POC1B: variants seen among roughly 807,000 people sequenced by gnomAD.
POC1B encodes POC1 centriolar protein B, also known as POC1 centriolar protein homolog B.
Under a neutral mutation model 60.6 loss-of-function variants are expected in POC1B, and 44 were observed. The ratio of observed to expected loss-of-function variants is 0.73; its 90% CI spans 0.57 to 0.93. The LOEUF (loss-of-function observed/expected upper bound fraction) is 0.93, where lower values mean the gene tolerates loss of function less well. Among genes scored for constraint, POC1B ranks in the 40% least tolerant of loss-of-function variants. POC1B has a pLI of 0.00. For missense variants in POC1B, 555 were observed against 572.3 expected (o/e 0.97, Z 0.31); for synonymous variants, 180 against 198.9 (o/e 0.90, Z 0.80).
Position 89,425,214 on chromosome 12 carries a change from C to G in POC1B, c.1279G>C (p.Ala427Pro). Residue 427 changes from alanine to proline, a missense_variant, in exon 11 of 12, where the codon GCT becomes CCT. Coordinates refer to ENST00000313546, the MANE Select transcript of POC1B (RefSeq NM_172240.3). ...ATATGCTCTAAAGCATCAGTCACAG[C>G]GAGAGGTATGCTCCTTTGACTTTCA... ...PCESQRSIPL[A>P]VTDALEHIME... 6.2e-7 allele frequency: 1 copy of G among 1,614,136 alleles called. No individual in the cohort carries two copies.
In POC1B at chr12:89,497,323, G is replaced by A. The variant is rs145182515; in HGVS notation, c.120C>T (p.Thr40=). 2 of 1,612,126 alleles carry A rather than the reference G, an allele frequency of 1.2e-6. No homozygotes were observed. Among genetic ancestry groups the A allele is most frequent in the South Asian group, 2.2e-5 (2 of 90,964 alleles). Residue 40 remains threonine (T), a synonymous_variant, in exon 3 of 12, where the codon ACC becomes ACT. Coordinates refer to ENST00000313546, the MANE Select transcript of POC1B (RefSeq NM_172240.3). Reference sequence around the variant, plus strand: ...GCTTGAAATTCCATAGCATGAGAAAGGTATCCCAAGAAGCAGTAGCTATCA... The same window carrying A: ...GCTTGAAATTCCATAGCATGAGAAAAGTATCCCAAGAAGCAGTAGCTATCA... The part of the protein sequence containing the change: ...GKQLATASWD[T]FLMLWNFKPH...
At chr12:89,428,066 T>C (rs943347987) in intron 10 of POC1B, 1 of 152,184 alleles carries the variant, frequency 6.6e-6, no homozygotes, top group Non-Finnish European at 1.5e-5. Flanking sequence ...CTCTAAGAAA[T>C]CTTGACTCAT....
intron 10 of POC1B, among the ~76,000 whole-genome samples, chr12:89,452,395 T>C (rs141139495): frequency 1.3e-5 from 2 of 152,324 alleles, no homozygotes; most frequent in East Asian, 3.9e-4. Flanking sequence ...ATAAATCCTT[T>C]TGTAAATTTT....
intron 10 of POC1B, among the ~76,000 whole-genome samples, chr12:89,451,482 G>A (rs1408226406): frequency 6.9e-6 from 1 of 145,242 alleles, no homozygotes; most frequent in Non-Finnish European, 1.5e-5. Flanking sequence ...TGATGAGTTG[G>A]TTGGTTGGTT....
At chr12:89,448,564 G>C (rs925547048) in intron 10 of POC1B, among the ~76,000 whole-genome samples, 5 of 152,186 alleles carry the variant, frequency 3.3e-5, no homozygotes, top group Non-Finnish European at 7.4e-5. Context: ...AACCTGGGGA[G>C]AGCAATCAGT....
chr12:89,477,266 G>A (rs1415036974), intron 4 of POC1B, among the ~76,000 whole-genome samples: 1 of 152,188 alleles, frequency 6.6e-6, no homozygotes, highest in Non-Finnish European at 1.5e-5. Context: ...CATTAGAAGA[G>A]AAACCATCTG....
intron 2 of POC1B, among the ~76,000 whole-genome samples, chr12:89,504,471 A>AGGC (rs960601657): frequency 4.6e-5 from 7 of 152,202 alleles, no homozygotes; most frequent in Non-Finnish European, 1.0e-4. Flanking sequence ...ACACTGCGGA[A>AGGC]GGCCGCAGGG....
chr12:89,501,209 T>C, intron 2 of POC1B: 3 of 1,407,134 alleles, frequency 2.1e-6, no homozygotes, highest in Non-Finnish European at 2.0e-6. Context: ...AAACCTCACC[T>C]AGTAGAGACA....
At chr12:89,505,323 G>A (rs562496152) in intron 2 of POC1B, among the ~76,000 whole-genome samples, 1 of 152,136 alleles carries the variant, frequency 6.6e-6, no homozygotes, top group Non-Finnish European at 1.5e-5. Context: ...TCCACTTCTA[G>A]GAATATACCC....
chr12:89,408,722 C>T, the POC1B span, among the ~76,000 whole-genome samples: 4 of 152,220 alleles, frequency 2.6e-5, no homozygotes, highest in African/African-American at 4.8e-5. Flanking sequence ...CTCCTGACCT[C>T]GTAATCTGCC....
At chr12:89,514,357 C>G (rs1050933140) in intron 2 of POC1B, among the ~76,000 whole-genome samples, 1 of 142,106 alleles carries the variant, frequency 7.0e-6, no homozygotes, top group Non-Finnish European at 1.5e-5. Context: ...AACTGTGAGC[C>G]AATCAAAACT....
Position 89,492,122 on chromosome 12 carries a change from A to G in POC1B, c.273-7T>C. Reference sequence around the variant, plus strand: ...TTCTGAGAATTTTCCTCTCCTGGAAATAAACAGTTTAATATTTATAACTCA... The same window carrying G: ...TTCTGAGAATTTTCCTCTCCTGGAAGTAAACAGTTTAATATTTATAACTCA... On this transcript the variant is annotated splice_region_variant and splice_polypyrimidine_tract_variant and intron_variant, in intron 3 of 11. Transcript: ENST00000313546. 6.5e-7 allele frequency: 1 copy of G among 1,538,108 alleles called. No homozygotes were observed. Among genetic ancestry groups the G allele is most frequent in the Non-Finnish European group, 8.7e-7 (1 of 1,145,166 alleles).
At chr12:89,403,391 A>G in the POC1B span, among the ~76,000 whole-genome samples, 31 of 152,250 alleles carry the variant, frequency 2.0e-4, no homozygotes, top group African/African-American at 7.2e-4. Flanking sequence ...TTCAACGTCC[A>G]GTGCTTGGTA....
intron 2 of POC1B, chr12:89,523,455 G>A: frequency 6.2e-7 from 1 of 1,614,078 alleles, no homozygotes; most frequent in Non-Finnish European, 8.5e-7. Context: ...GTGCCCGCTT[G>A]GGGAACACAT....
At chr12:89,502,682 G>A in intron 2 of POC1B, 2 of 1,335,108 alleles carry the variant, frequency 1.5e-6, no homozygotes, top group Non-Finnish European at 2.1e-6. Flanking sequence ...TGAGTTGAAG[G>A]TATATAACAC....
rs1353334344 is a variant in POC1B, at chr12:89,511,148, T to A, written c.101-13806A>T. Among the ~76,000 whole-genome samples the A allele has an allele frequency of 3.3e-5, 5 of 151,988 alleles. No individual in the cohort carries two copies. In the East Asian group the frequency reaches 5.8e-4, roughly 18 times the overall value. On this transcript the variant is annotated intron_variant, in intron 2 of 11. Transcript: ENST00000313546. ...TTCAAAATAATCCTGACTGGCCAGGTGCAGTGGCTCACGCCTGTAAGCCCA... is the reference window on the plus strand; with the variant it reads ...TTCAAAATAATCCTGACTGGCCAGGAGCAGTGGCTCACGCCTGTAAGCCCA...
In POC1B at chr12:89,459,732, T is replaced by C. The variant is rs2120805123; in HGVS notation, c.1033-14A>G. ...CTTTGGATTAATCTGTGTATATACATAAAAAAAAATTATGAGATTTTCATA... is the reference window on the plus strand; with the variant it reads ...CTTTGGATTAATCTGTGTATATACACAAAAAAAAATTATGAGATTTTCATA... On this transcript the variant is annotated splice_polypyrimidine_tract_variant and intron_variant, in intron 9 of 11. Coordinates refer to ENST00000313546, the MANE Select transcript of POC1B (RefSeq NM_172240.3). 7.3e-7 allele frequency: 1 copy of C among 1,378,820 alleles called. No homozygotes were observed. Among genetic ancestry groups the C allele is most frequent in the Non-Finnish European group, 9.7e-7 (1 of 1,032,364 alleles). The allele number at this position is 1,378,820 out of a possible 1,614,324, so 85.4% of individuals were successfully genotyped here.
intron 10 of POC1B, among the ~76,000 whole-genome samples, chr12:89,440,121 T>C (rs1458531924): frequency 2.6e-5 from 4 of 152,218 alleles, no homozygotes; most frequent in Admixed American, 6.5e-5. Context: ...ACAATGTCCA[T>C]TGAACGTGAC....
rs899553016 is a variant in POC1B, at chr12:89,523,919, G to A, written c.100+1201C>T. The stretch of plus-strand genomic sequence containing the variant: ...GTGGCGAAAGTGGCCCCAATCAGAC[G>A]GGCCCTAACCAGCCCCTCTCGCTTA... On this transcript the variant is annotated intron_variant, in intron 2 of 11. Coordinates refer to ENST00000313546, the MANE Select transcript of POC1B (RefSeq NM_172240.3). 4 of 1,603,174 alleles carry A rather than the reference G, an allele frequency of 2.5e-6. No individual in the cohort carries two copies. In the African/African-American group the frequency reaches 5.4e-5, roughly 22 times the overall value.
Sources: gnomAD v4.1 joint callset for allele counts (sites outside exome capture counted in the v4.1 genomes callset) on GRCh38, gnomAD v4.1.1 for gene constraint, MANE v1.5 for transcripts, NCBI Gene and HGNC (gene_info 2026-07-23, HGNC 2026-07-21) for gene names.